The following NTNG1 variants were observed in gnomAD, a reference collection of about 807,000 sequenced individuals.
NTNG1 encodes the protein netrin-G1.
In NTNG1, 16 loss-of-function variants were observed where a neutral mutation model predicts 54.0. The observed-to-expected ratio is 0.30, with a 90% CI of 0.20 to 0.45. The LOEUF is 0.45. Among genes scored for constraint, NTNG1 ranks in the 20% least tolerant of loss-of-function variants. The probability of loss-of-function intolerance (pLI) is 1.00; values close to 1 mark genes in which losing one functional copy is unlikely to be tolerated. For missense variants in NTNG1, 530 were observed against 678.7 expected (o/e 0.78, Z 2.43); for synonymous variants, 255 against 263.1 (o/e 0.97, Z 0.30).
intron 2 of NTNG1, among the ~76,000 whole-genome samples, chr1:107,273,469 G>A (rs570843546): frequency 5.9e-5 from 9 of 152,314 alleles, no homozygotes; most frequent in African/African-American, 1.9e-4. Context: ...TGTTGTTGTC[G>A]TTGTTATTTG....
At chr1:107,412,219 G>A (rs921765365) in intron 5 of NTNG1, among the ~76,000 whole-genome samples, 25 of 152,016 alleles carry the variant, frequency 1.6e-4, no homozygotes, top group African/African-American at 4.8e-4. Flanking sequence ...CATTTGATGA[G>A]ACTTTAGACA....
At chr1:107,303,331 A>G (rs1053929207) in intron 2 of NTNG1, among the ~76,000 whole-genome samples, 10 of 152,212 alleles carry the variant, frequency 6.6e-5, no homozygotes, top group African/African-American at 2.4e-4. Flanking sequence ...ACCACAGCAG[A>G]TTAATGAGAT....
rs759768342 is a variant in NTNG1, at chr1:107,436,653, T to G, written c.1256-12T>G. 1 of 1,611,548 alleles carries G rather than the reference T, an allele frequency of 6.2e-7. No individual in the cohort carries two copies. On this transcript the variant is annotated splice_polypyrimidine_tract_variant and intron_variant, in intron 6 of 7. Coordinates refer to ENST00000370068, the MANE Select transcript of NTNG1 (RefSeq NM_001113226.3). ...ACTTGTCTCCAGCCTGTGTGTTGTC[T>G]TGTTTCTACAGAGTGTTATTGTAAC... is the stretch of plus-strand genomic sequence containing the variant.
At chr1:107,361,190 AATT>A (rs2100947189) in intron 3 of NTNG1, among the ~76,000 whole-genome samples, 1 of 144,072 alleles carries the variant, frequency 6.9e-6, no homozygotes, top group Admixed American at 7.1e-5. Flanking sequence ...TATTATATAT[AATT>A]ATGTATAAAA....
intron 3 of NTNG1, among the ~76,000 whole-genome samples, chr1:107,327,041 G>A (rs1667998125): frequency 6.6e-6 from 1 of 152,100 alleles, no homozygotes; most frequent in Non-Finnish European, 1.5e-5. Context: ...AGTTTGGAGG[G>A]CTCCTCCCTC....
rs577965742 is a variant in NTNG1 at position 107,301,154 on chromosome 1, T to A, written c.247-23128T>A. Among the ~76,000 whole-genome samples, 13 of 152,306 alleles carry A rather than the reference T, an allele frequency of 8.5e-5. 1 individual carries two copies. The South Asian group carries it at 2.1e-3, about 24-fold the overall frequency. ...ATGATTAGTATATTGCTTTAAAAAA[T>A]TTAATAACAATAACAATCCTATGTA... is the stretch of plus-strand genomic sequence containing the variant. On this transcript the variant is annotated intron_variant, in intron 2 of 7. Transcript: ENST00000370068.
At chr1:107,283,986 G>A (rs1176870590) in intron 2 of NTNG1, among the ~76,000 whole-genome samples, 2 of 152,120 alleles carry the variant, frequency 1.3e-5, no homozygotes, top group African/African-American at 4.8e-5. Flanking sequence ...TGTCTCTTCA[G>A]AATAATCTTA....
rs6698402 is a variant in NTNG1, at chr1:107,209,957, G to A, written c.246+61118G>A. Among the ~76,000 whole-genome samples, 1,046 of 151,926 alleles carry A rather than the reference G, an allele frequency of 6.9e-3. 11 individuals carry two copies. Among genetic ancestry groups the A allele is most frequent in the African/African-American group, 0.024 (1,000 of 41,394 alleles). ...TTTAAATTGGATGGTTCAGGATTTC[G>A]GTTCAGGATTGCAACTAAAAGAGAT... On this transcript the variant is annotated intron_variant, in intron 2 of 7. Transcript: ENST00000370068.
At chr1:107,276,671 A>G (rs1664497872) in intron 2 of NTNG1, among the ~76,000 whole-genome samples, 1 of 152,032 alleles carries the variant, frequency 6.6e-6, no homozygotes, top group African/African-American at 2.4e-5. Flanking sequence ...GGTCATATTC[A>G]ATCTCTGTAT....
At chr1:107,394,854 G>GA (rs1344825166) in intron 3 of NTNG1, among the ~76,000 whole-genome samples, 1 of 152,068 alleles carries the variant, frequency 6.6e-6, no homozygotes, top group Non-Finnish European at 1.5e-5. Context: ...AACCTGTTGG[G>GA]AACCCCTTGA....
At chr1:107,360,845 C>G (rs1226941920) in intron 3 of NTNG1, among the ~76,000 whole-genome samples, 1 of 152,112 alleles carries the variant, frequency 6.6e-6, no homozygotes, top group Non-Finnish European at 1.5e-5. Flanking sequence ...TCACCAGTCA[C>G]TGAGTATCTC....
At chr1:107,416,878 G>C (rs10785824) in intron 5 of NTNG1, among the ~76,000 whole-genome samples, 2 of 151,786 alleles carry the variant, frequency 1.3e-5, no homozygotes, top group South Asian at 4.2e-4. Flanking sequence ...CTAGTTAACC[G>C]AACTAAGATT....
chr1:107,301,467 A>G (rs537505828), intron 2 of NTNG1, among the ~76,000 whole-genome samples: 72 of 152,294 alleles, frequency 4.7e-4, no homozygotes, highest in African/African-American at 1.7e-3. Flanking sequence ...CTTCAAACCC[A>G]TCTAATGTGT....
intron 2 of NTNG1, among the ~76,000 whole-genome samples, chr1:107,164,349 G>A (rs1655617748): frequency 6.6e-6 from 1 of 152,134 alleles, no homozygotes; most frequent in African/African-American, 2.4e-5. Flanking sequence ...CTACATTCTG[G>A]AAAGAGAACC....
chr1:107,301,151 A>C (rs973935182), intron 2 of NTNG1, among the ~76,000 whole-genome samples: 1 of 152,210 alleles, frequency 6.6e-6, no homozygotes, highest in African/African-American at 2.4e-5. Flanking sequence ...TTGCTTTAAA[A>C]AATTTAATAA....
intron 2 of NTNG1, among the ~76,000 whole-genome samples, chr1:107,319,419 A>G (rs1355268433): frequency 2.6e-5 from 4 of 152,134 alleles, no homozygotes; most frequent in Admixed American, 6.6e-5. Context: ...CATGGTTTCA[A>G]TCTCTGAGAA....
At chr1:107,181,171 C>T (rs1657030947) in intron 2 of NTNG1, among the ~76,000 whole-genome samples, 1 of 152,110 alleles carries the variant, frequency 6.6e-6, no homozygotes, top group Non-Finnish European at 1.5e-5. Context: ...AGGGATTCAA[C>T]AACAAAAATA....
In NTNG1 at chr1:107,481,067, A is replaced by G; in HGVS notation, c.*227A>G. On this transcript the variant is annotated 3_prime_UTR_variant, in exon 8 of 8. Transcript: ENST00000370068. Reference sequence around the variant, plus strand: ...AGAGGAGTTGGCAGCTGTTGATATTATCACTGCAAATCACATTGCCAGCTG... The same window carrying G: ...AGAGGAGTTGGCAGCTGTTGATATTGTCACTGCAAATCACATTGCCAGCTG... 3.9e-6 allele frequency: 2 copies of G among 512,340 alleles called. No homozygotes were observed. The highest frequency in any genetic ancestry group is 7.0e-6 in the Non-Finnish European group (2 of 287,026). 31.7% of individuals were successfully genotyped at this position (512,340 alleles called of 1,614,324 possible).
rs766745795 is a variant in NTNG1 at position 107,430,884 on chromosome 1, T to A, written c.1222T>A (p.Ser408Thr). The A allele has an allele frequency of 1.2e-5, 20 of 1,613,092 alleles. No homozygotes were observed. The Admixed American group carries it at 3.3e-4, about 27-fold the overall frequency. ...CAGGCTGGGCTACTTCAGAAATGCTTCTGCACAACTGGACGATGAGAATGT... is the reference window on the plus strand; with the variant it reads ...CAGGCTGGGCTACTTCAGAAATGCTACTGCACAACTGGACGATGAGAATGT... ...LCRLGYFRNASAQLDDENVCI... is the reference protein window; with the variant it reads ...LCRLGYFRNATAQLDDENVCI... Residue 408 changes from serine (S) to threonine (T), a missense_variant, in exon 6 of 8, where the codon TCT becomes ACT. Coordinates refer to ENST00000370068, the MANE Select transcript of NTNG1 (RefSeq NM_001113226.3).
Sources: gnomAD v4.1 joint callset for allele counts (sites outside exome capture counted in the v4.1 genomes callset) on GRCh38, gnomAD v4.1.1 for gene constraint, MANE v1.5 for transcripts, NCBI Gene and HGNC (gene_info 2026-07-23, HGNC 2026-07-21) for gene names.